Variants in STK36 observed in about 807,000 individuals in gnomAD.
STK36 encodes the protein serine/threonine kinase 36.
In STK36, 116 loss-of-function variants were observed where a neutral mutation model predicts 142.2. The ratio of observed to expected loss-of-function variants is 0.82; its 90% CI spans 0.70 to 0.95. The LOEUF (loss-of-function observed/expected upper bound fraction) is 0.95. Ranked by LOEUF, STK36 falls within the 40% of genes least tolerant of loss-of-function variation. STK36 has a pLI of 0.00. For synonymous variants in STK36, 619 were observed against 641.7 expected, an observed-to-expected ratio of 0.96 and a Z score of 0.53; for missense variants, 1,422 against 1,617.2, an observed-to-expected ratio of 0.88 and a Z score of 2.07.
At chr2:218,677,068 G>A (rs953248914) in intron 6 of STK36, among the ~76,000 whole-genome samples, 5 of 152,138 alleles carry the variant, frequency 3.3e-5, no homozygotes, top group Non-Finnish European at 5.9e-5. Flanking sequence ...CGAGTAGCTG[G>A]GATTACAGGC....
intron 6 of STK36, among the ~76,000 whole-genome samples, chr2:218,676,557 G>A (rs1286672488): frequency 6.6e-6 from 1 of 151,680 alleles, no homozygotes; most frequent in African/African-American, 2.4e-5. Context: ...AAGCAAAGGG[G>A]AAACAGGCAT....
At chr2:218,685,625 A>G (rs1940741866) in intron 11 of STK36, among the ~76,000 whole-genome samples, 1 of 152,194 alleles carries the variant, frequency 6.6e-6, no homozygotes, top group Non-Finnish European at 1.5e-5. Flanking sequence ...CAGGTACACT[A>G]GTGAGAAGAA....
chr2:218,697,324 G>C (rs1941273886), intron 23 of STK36, 111 bp downstream of exon 23: 1 of 1,515,720 alleles, frequency 6.6e-7, no homozygotes, highest in African/African-American at 1.4e-5. Context: ...TTTGCCTGGG[G>C]ACAGGAAGCA....
At chr2:218,675,950 G>T in intron 5 of STK36, 79 bp from the exon 6 acceptor site, 2 of 1,565,292 alleles carry the variant, frequency 1.3e-6, no homozygotes, top group Non-Finnish European at 1.7e-6. Flanking sequence ...TCCGGTTTGG[G>T]ATATCTCTAT....
chr2:218,676,258 A>C lies in STK36; in HGVS notation c.664A>C (p.Thr222Pro). 6.2e-7 allele frequency: 1 copy of C among 1,614,194 alleles called. No individual in the cohort carries two copies. The highest frequency in any genetic ancestry group is 8.5e-7 in the Non-Finnish European group (1 of 1,180,034). Residue 222 changes from threonine to proline, a missense_variant, in exon 6 of 27, where the codon ACC becomes CCC. This residue lies in a region of STK36 where 460 missense variants were observed against 449.6 expected (regional missense o/e 1.02). Coordinates refer to ENST00000295709, the MANE Select transcript of STK36 (RefSeq NM_015690.5). ...ILKDPVRWPS[T>P]ISPCFKNFLQ... is the part of the protein sequence containing the mutation. ...CAAGGACCCTGTGCGCTGGCCCTCA[A>C]CCATCAGTCCCTGCTTTAAGGTAAT... is the stretch of plus-strand genomic sequence containing the variant.
rs752784692 is a variant in STK36 at position 218,692,097 on chromosome 2, C to A, written c.1765-46C>A. On this transcript the variant is annotated intron_variant, in intron 14 of 26. Transcript: ENST00000295709. ...GTTTTCTTGTTTTTTACACTAAGCC[C>A]AGTCTTCTGATGCCCTGATGCTACC... 1.3e-6 allele frequency: 2 copies of A among 1,584,360 alleles called. 1 individual carries two copies. Among genetic ancestry groups the A allele is most frequent in the South Asian group, 2.3e-5 (2 of 87,260 alleles).
intron 6 of STK36, among the ~76,000 whole-genome samples, chr2:218,678,959 G>A (rs1453569377): frequency 6.6e-6 from 1 of 152,124 alleles, no homozygotes; most frequent in Non-Finnish European, 1.5e-5. Context: ...ACAGGATTTG[G>A]GGTCCTCTCC....
rs900782587 is a variant in STK36, at chr2:218,702,391, G to A, written c.*382G>A. Reference sequence around the variant, plus strand: ...TTCCCAGCAGGTTTTTGCCTTAGACGTGCTGGCCCCAGGACAGTGATGAAG... The same window carrying A: ...TTCCCAGCAGGTTTTTGCCTTAGACATGCTGGCCCCAGGACAGTGATGAAG... On this transcript the variant is annotated 3_prime_UTR_variant, in exon 27 of 27. Transcript: ENST00000295709. 2.9e-5 allele frequency: 5 copies of A among 169,832 alleles called. No homozygotes were observed. The highest frequency in any genetic ancestry group is 3.1e-4 in the South Asian group (2 of 6,464). 10.5% of individuals were successfully genotyped at this position (169,832 alleles called of 1,614,324 possible).
At position 218,697,064 on chromosome 2, in the gene STK36, A is replaced by T; in HGVS notation, c.2612A>T (p.Asp871Val). Residue 871 changes from aspartate to valine, a missense_variant, in exon 23 of 27, where the codon GAT (aspartate) becomes GTT (valine). Asp to Val is a radical substitution (Grantham distance 152, BLOSUM62 -3). This residue lies in a region of STK36 where 962 missense variants were observed against 1,167.5 expected (regional missense o/e 0.82). Coordinates refer to ENST00000295709, the MANE Select transcript of STK36 (RefSeq NM_015690.5). Reference sequence around the variant, plus strand: ...CAGGGGAAGGCTAGCCTAATCAGGGATATGTCCAGTTCAGAAATGTGGACC... The same window carrying T: ...CAGGGGAAGGCTAGCCTAATCAGGGTTATGTCCAGTTCAGAAATGTGGACC... ...TEQGKASLIR[D>V]MSSSEMWTVL... is the part of the protein sequence containing the mutation. 1 of 1,614,070 alleles carries T rather than the reference A, an allele frequency of 6.2e-7. No homozygotes were observed.
chr2:218,698,487 C>T (rs1452962161), intron 25 of STK36, 115 bp from the exon 26 acceptor site: 5 of 1,325,810 alleles, frequency 3.8e-6, no homozygotes, highest in Non-Finnish European at 5.2e-6. Flanking sequence ...GGACTTCCAG[C>T]TCTCTGTGGC....
At position 218,694,795 on chromosome 2, in the gene STK36, T is replaced by C. The variant is rs969907492; in HGVS notation, c.2511+160T>C. On this transcript the variant is annotated intron_variant, in intron 21 of 26. Transcript: ENST00000295709. This position sits in a 1 kb window ranked among gnomAD's most constrained non-coding sequence, Gnocchi z 4.4. The stretch of plus-strand genomic sequence containing the variant: ...CTTTTCTAGATTTGTCGCCGGATGA[T>C]AGGCCCCTCTGAGCCCAGATTGATC... Among the ~76,000 whole-genome samples, 1 of 152,232 alleles carries C rather than the reference T, an allele frequency of 6.6e-6. No homozygotes were observed. Among genetic ancestry groups the C allele is most frequent in the African/African-American group, 2.4e-5 (1 of 41,460 alleles).
At chr2:218,686,440 G>A (rs1048207792) in intron 11 of STK36, among the ~76,000 whole-genome samples, 1 of 151,800 alleles carries the variant, frequency 6.6e-6, no homozygotes, top group Admixed American at 6.6e-5. Context: ...TGTATTTTTT[G>A]TAGAGATAGG....
At chr2:218,676,617 C>T (rs1189847637) in intron 6 of STK36, among the ~76,000 whole-genome samples, 1 of 147,342 alleles carries the variant, frequency 6.8e-6, no homozygotes, top group African/African-American at 2.5e-5. Context: ...AGGTGCTACA[C>T]GCTTTTTTTT....
At chr2:218,680,574 C>A (rs1401532154) in intron 9 of STK36, 29 bp from the exon 10 acceptor site, 6 of 1,587,802 alleles carry the variant, frequency 3.8e-6, no homozygotes, top group Non-Finnish European at 5.2e-6. Context: ...GGTTTGGAAC[C>A]CGTTCTACCC....
At chr2:218,679,427 ACTCT>A in intron 7 of STK36, 129 bp from the exon 8 acceptor site, 2 of 1,305,636 alleles carry the variant, frequency 1.5e-6, no homozygotes, top group Middle Eastern at 2.7e-4. Context: ...CTTACAACCC[ACTCT>A]CTCTCTGTCA....
chr2:218,681,141 T>C lies in STK36; in HGVS notation c.1236+439T>C, dbSNP rs182382322. On this transcript the variant is annotated intron_variant, in intron 10 of 26. Coordinates refer to ENST00000295709, the MANE Select transcript of STK36 (RefSeq NM_015690.5). ...TTTTACCACAATCGTTTTTTTTTTT[T>C]TTTCGAGACAGAGTCTCACCCTGTC... 5.2e-3 allele frequency among the ~76,000 whole-genome samples: 786 copies of C among 152,182 alleles called. 4 individuals carry two copies. Among genetic ancestry groups the C allele is most frequent in the Non-Finnish European group, 6.9e-3 (471 of 68,000 alleles).
chr2:218,674,003 G>C, intron 4 of STK36, 47 bp downstream of exon 4: 1 of 1,574,084 alleles, frequency 6.4e-7, no homozygotes, highest in Admixed American at 1.8e-5. Context: ...CCTCTCTCCA[G>C]GTTAGAGAAC....
At chr2:218,680,772 A>G in intron 10 of STK36, 70 bp downstream of exon 10, 3 of 1,377,382 alleles carry the variant, frequency 2.2e-6, no homozygotes, top group South Asian at 1.3e-5. Context: ...ATGTTTTTCT[A>G]GAACAGTGAT....
rs762263001 is a variant in STK36, at chr2:218,698,882, C to T, written c.3338C>T (p.Pro1113Leu). Residue 1113 changes from proline (P) to leucine (L), a missense_variant, in exon 26 of 27, where the codon CCC becomes CTC. This residue lies in a region of STK36 where 962 missense variants were observed against 1,167.5 expected (regional missense o/e 0.82). Coordinates refer to ENST00000295709, the MANE Select transcript of STK36 (RefSeq NM_015690.5). ...LLAGSDESYR[P>L]LRSLLGHPEN... ...GCTGGCTCTGATGAATCCTATCGGC[C>T]CCTGCGCAGCCTCCTGGGCCACCCA... The T allele has an allele frequency of 3.7e-6, 6 of 1,614,196 alleles. No homozygotes were observed. Among genetic ancestry groups the T allele is most frequent in the Non-Finnish European group, 5.1e-6 (6 of 1,180,032 alleles).
Sources: gnomAD v4.1 joint callset for allele counts (sites outside exome capture counted in the v4.1 genomes callset) on GRCh38, gnomAD v4.1.1 for gene constraint, gnomAD v4.1.1 regional missense constraint, Gnocchi (gnomAD v3.1) non-coding constraint, MANE v1.5 for transcripts, NCBI Gene and HGNC (gene_info 2026-07-23, HGNC 2026-07-21) for gene names.